NAV2: variants seen among roughly 807,000 people sequenced by gnomAD.
NAV2 encodes helicase, APC down-regulated 1.
Under a neutral mutation model 223.2 loss-of-function variants are expected in NAV2, and 54 were observed. The ratio of observed to expected loss-of-function variants is 0.24; its 90% confidence interval spans 0.19 to 0.30. The LOEUF is 0.30. Among genes scored for constraint, NAV2 ranks in the 10% least tolerant of loss-of-function variants. The probability of loss-of-function intolerance (pLI) is 1.00; values close to 1 mark genes in which losing one functional copy is unlikely to be tolerated. For missense variants in NAV2, 2,806 were observed against 3,147.5 expected (o/e 0.89, Z 2.60); for synonymous variants, 1,279 against 1,239.3 (o/e 1.03, Z -0.67).
chr11:20,029,353 G>C (rs1397816917), intron 11 of NAV2, among the ~76,000 whole-genome samples: 1 of 152,176 alleles, frequency 6.6e-6, no homozygotes, highest in Non-Finnish European at 1.5e-5. Context: ...CTGTGTCCAT[G>C]TGTTGAAGAA....
chr11:19,697,815 G>T (rs2049393076), intron 1 of NAV2, among the ~76,000 whole-genome samples: 1 of 152,204 alleles, frequency 6.6e-6, no homozygotes, highest in Non-Finnish European at 1.5e-5. Flanking sequence ...ATGGCAATTG[G>T]CTCTGACAGC....
chr11:19,978,805 A>G (rs1210628948), intron 10 of NAV2: 1 of 152,060 alleles, frequency 6.6e-6, no homozygotes, highest in Non-Finnish European at 1.5e-5. Context: ...GTCAGTTTGT[A>G]TTACTTATGC....
At chr11:19,892,931 C>A (rs1243505232) in intron 6 of NAV2, among the ~76,000 whole-genome samples, 2 of 152,080 alleles carry the variant, frequency 1.3e-5, no homozygotes, top group African/African-American at 4.8e-5. Flanking sequence ...TTCAGAAATG[C>A]AAGCTTCTTG....
At chr11:19,647,174 C>T (rs1403065369) in intron 1 of NAV2, among the ~76,000 whole-genome samples, 1 of 152,162 alleles carries the variant, frequency 6.6e-6, no homozygotes, top group Non-Finnish European at 1.5e-5. Context: ...AAACCACAGG[C>T]CTGAGAGGAT....
At chr11:19,372,733 G>A (rs750910925) in intron 1 of NAV2, among the ~76,000 whole-genome samples, 1 of 152,174 alleles carries the variant, frequency 6.6e-6, no homozygotes, top group East Asian at 1.9e-4. Flanking sequence ...AGAGATATTA[G>A]TAATAAGTAA....
chr11:19,354,853 C>A (rs1853525077), intron 1 of NAV2, among the ~76,000 whole-genome samples: 1 of 152,118 alleles, frequency 6.6e-6, no homozygotes, highest in South Asian at 2.1e-4. Context: ...TGTGAATGTG[C>A]CCACTTGTCC....
intron 1 of NAV2, among the ~76,000 whole-genome samples, chr11:19,430,020 C>T (rs898271936): frequency 3.3e-5 from 5 of 152,180 alleles, no homozygotes; most frequent in Admixed American, 6.5e-5. Context: ...ATTCAGTTTA[C>T]AAACTTTATC....
intron 1 of NAV2, among the ~76,000 whole-genome samples, chr11:19,787,885 A>T (rs2057250474): frequency 6.6e-6 from 1 of 152,290 alleles, no homozygotes; most frequent in Non-Finnish European, 1.5e-5. Flanking sequence ...TTCATAATTT[A>T]GCTAGCAGGA....
chr11:19,692,972 G>C (rs1295942214), intron 1 of NAV2, among the ~76,000 whole-genome samples: 1 of 152,250 alleles, frequency 6.6e-6, no homozygotes, highest in African/African-American at 2.4e-5. Flanking sequence ...CCCCGATCAG[G>C]ACAGGTTTTG....
At chr11:19,719,937 G>C (rs2050624731) in intron 1 of NAV2, among the ~76,000 whole-genome samples, 1 of 152,236 alleles carries the variant, frequency 6.6e-6, no homozygotes, top group Admixed American at 6.5e-5. Context: ...CTGTAGAGGT[G>C]GTTGAGTGGA....
intron 4 of NAV2, among the ~76,000 whole-genome samples, chr11:19,874,707 TTGAG>T (rs2062735227): frequency 6.6e-6 from 1 of 152,172 alleles, no homozygotes; most frequent in Non-Finnish European, 1.5e-5. Context: ...TTCAGCACTC[TTGAG>T]TTTTTGTAAT....
chr11:19,439,341 A>G (rs1205010064), intron 1 of NAV2, among the ~76,000 whole-genome samples: 1 of 152,202 alleles, frequency 6.6e-6, no homozygotes, highest in Non-Finnish European at 1.5e-5. Context: ...TCAGAAAAAA[A>G]TAACTAATAG....
intron 1 of NAV2, among the ~76,000 whole-genome samples, chr11:19,517,654 C>T (rs1370360618): frequency 6.6e-6 from 1 of 152,192 alleles, no homozygotes. Context: ...CAGGCTTATC[C>T]AGATATTGCA....
At chr11:19,959,798 G>A (rs1174313273) in intron 10 of NAV2, among the ~76,000 whole-genome samples, 1 of 152,158 alleles carries the variant, frequency 6.6e-6, no homozygotes, top group East Asian at 1.9e-4. Context: ...ATACCCTCCA[G>A]CCGACAGCTA....
Position 20,105,625 on chromosome 11 carries a change from G to C in NAV2, c.6739G>C (p.Val2247Leu). 1 of 1,614,064 alleles carries C rather than the reference G, an allele frequency of 6.2e-7. No individual in the cohort carries two copies. Among genetic ancestry groups the C allele is most frequent in the Non-Finnish European group, 8.5e-7 (1 of 1,179,990 alleles). Reference sequence around the variant, plus strand: ...CATGGAAACAGAGATCAGTGGGCGGGTGCGCAATATGGAGCTGGTAAAAAT... The same window carrying C: ...CATGGAAACAGAGATCAGTGGGCGGCTGCGCAATATGGAGCTGGTAAAAAT... ...KLMETEISGRVRNMELVKIID... is the reference protein window; with the variant it reads ...KLMETEISGRLRNMELVKIID... The change falls in exon 35 of 38, where the codon GTG becomes CTG. Residue 2247 changes from valine (V) to leucine (L), a missense_variant. Physicochemically the swap from Val to Leu is conservative, Grantham distance 32. Coordinates refer to ENST00000349880, the MANE Select transcript of NAV2 (RefSeq NM_145117.5).
At chr11:19,661,854 A>G (rs1050342093) in intron 1 of NAV2, among the ~76,000 whole-genome samples, 1 of 152,238 alleles carries the variant, frequency 6.6e-6, no homozygotes, top group Non-Finnish European at 1.5e-5. Flanking sequence ...GAAACTAATA[A>G]GAAGACTAAT....
At chr11:20,001,621 C>T (rs750982108) in intron 11 of NAV2, among the ~76,000 whole-genome samples, 2 of 146,232 alleles carry the variant, frequency 1.4e-5, no homozygotes, top group Admixed American at 7.2e-5. Context: ...GGCAAGCCAC[C>T]GCATGTTCTC....
Position 19,812,856 on chromosome 11 carries a change from G to C in NAV2, c.268-19628G>C, listed in dbSNP as rs28600223. 5.4e-3 allele frequency among the ~76,000 whole-genome samples: 819 copies of C among 151,822 alleles called. 5 individuals carry two copies. The highest frequency in any genetic ancestry group is 7.2e-3 in the Non-Finnish European group (489 of 67,814). The stretch of plus-strand genomic sequence containing the variant: ...CAATGAAAAAAGGCAATCTTAAGAG[G>C]AGACCAGAATTCAGTCCAGCAAGCA... On this transcript the variant is annotated intron_variant, in intron 1 of 37. Coordinates refer to ENST00000349880, the MANE Select transcript of NAV2 (RefSeq NM_145117.5).
chr11:19,837,707 A>G (rs958260008), intron 2 of NAV2, among the ~76,000 whole-genome samples: 5 of 152,206 alleles, frequency 3.3e-5, no homozygotes, highest in Admixed American at 2.0e-4. Flanking sequence ...TTGTTCAAAA[A>G]TGTGAATGCT....
Sources: gnomAD v4.1 joint callset for allele counts (sites outside exome capture counted in the v4.1 genomes callset) on GRCh38, gnomAD v4.1.1 for gene constraint, MANE v1.5 for transcripts, NCBI Gene and HGNC (gene_info 2026-07-23, HGNC 2026-07-21) for gene names.